ST3GAL4: variants seen among roughly 807,000 people sequenced by gnomAD.
ST3GAL4 encodes ST3 beta-galactoside alpha-2,3-sialyltransferase 4.
ST3GAL4 carries 24 observed loss-of-function variants against 42.6 expected under a neutral mutation model. The ratio of observed to expected loss-of-function variants is 0.56; its 90% CI spans 0.41 to 0.79. The LOEUF (loss-of-function observed/expected upper bound fraction) is 0.79, where lower values mean the gene tolerates loss of function less well. Among genes scored for constraint, ST3GAL4 ranks in the 30% least tolerant of loss-of-function variants. The pLI, the probability that ST3GAL4 is intolerant of heterozygous loss-of-function variation, is 0.00. For synonymous variants in ST3GAL4, 135 were observed against 163.2 expected, an observed-to-expected ratio of 0.83 and a Z score of 1.32; for missense variants, 311 against 430.8, an observed-to-expected ratio of 0.72 and a Z score of 2.46.
chr11:126,385,111 G>C (rs1240873403), intron 1 of ST3GAL4, among the ~76,000 whole-genome samples: 1 of 152,042 alleles, frequency 6.6e-6, no homozygotes, highest in Non-Finnish European at 1.5e-5. Flanking sequence ...CGAGGACTCT[G>C]AGGCTCTGAG....
chr11:126,408,650 C>A, intron 8 of ST3GAL4, 154 bp downstream of exon 8: 1 of 885,914 alleles, frequency 1.1e-6, no homozygotes, highest in Admixed American at 2.7e-5. Flanking sequence ...CTTAGGCTGC[C>A]CTCCAAGGGT....
intron 1 of ST3GAL4, among the ~76,000 whole-genome samples, chr11:126,401,135 G>T (rs1953972541): frequency 6.6e-6 from 1 of 152,112 alleles, no homozygotes; most frequent in Admixed American, 6.5e-5. Context: ...GTGTGGAAGA[G>T]AAATTAGTGC....
At chr11:126,405,921 T>C (rs1298053748) in intron 1 of ST3GAL4, 175 bp from the exon 2 acceptor site, 10 of 743,062 alleles carry the variant, frequency 1.3e-5, no homozygotes, top group Non-Finnish European at 2.2e-5. Flanking sequence ...ATGCCGCCCT[T>C]GGAGGAGTTA....
rs1285306412 is a variant in ST3GAL4 at position 126,359,045 on chromosome 11, A to C, written c.-61+3203A>C. ...ACCTGCAGCTCATTCAAGCCTGTGCATGGGGGTTGGGGTCCTCAGGATCTT... is the reference window on the plus strand; with the variant it reads ...ACCTGCAGCTCATTCAAGCCTGTGCCTGGGGGTTGGGGTCCTCAGGATCTT... On this transcript the variant is annotated intron_variant, in intron 1 of 10. Transcript: ENST00000444328. The surrounding 1 kb of genome is among the most constrained non-coding windows in gnomAD (Gnocchi z 4.8). 6.6e-6 allele frequency among the ~76,000 whole-genome samples: 1 copy of C among 152,128 alleles called. No homozygotes were observed.
At chr11:126,413,095 ATTTG>A (rs1222622099) in intron 9 of ST3GAL4, among the ~76,000 whole-genome samples, 1 of 151,892 alleles carries the variant, frequency 6.6e-6, no homozygotes, top group Non-Finnish European at 1.5e-5. Context: ...ACTTATTTAT[ATTTG>A]TTTATTTTTA....
chr11:126,380,497 CT>C (rs1952955384), intron 1 of ST3GAL4, among the ~76,000 whole-genome samples: 1 of 152,170 alleles, frequency 6.6e-6, no homozygotes, highest in South Asian at 2.1e-4. Flanking sequence ...ATGTGTTCCC[CT>C]AGGGGCTGAT....
chr11:126,381,279 CAG>C (rs1952991592), intron 1 of ST3GAL4, among the ~76,000 whole-genome samples: 1 of 152,216 alleles, frequency 6.6e-6, no homozygotes, highest in South Asian at 2.1e-4. Context: ...CCTCCCAAAA[CAG>C]AGGTGTGTAG....
rs1338172181 is a variant in ST3GAL4 at position 126,398,821 on chromosome 11, A to G, written c.-60-7275A>G. Among the ~76,000 whole-genome samples the G allele has an allele frequency of 6.6e-6, 1 of 152,196 alleles. No homozygotes were observed. The highest frequency in any genetic ancestry group is 1.5e-5 in the Non-Finnish European group (1 of 68,040). On this transcript the variant is annotated intron_variant, in intron 1 of 10. Transcript: ENST00000444328. The surrounding 1 kb of genome is among the most constrained non-coding windows in gnomAD (Gnocchi z 4.7). ...CACCACTTGCACCTTCTAGAATGGT[A>G]GGTCAAGCTGCACCTGGGCCCATTT... is the stretch of plus-strand genomic sequence containing the variant.
chr11:126,360,702 G>A (rs575166009), intron 1 of ST3GAL4, among the ~76,000 whole-genome samples: 2 of 152,312 alleles, frequency 1.3e-5, no homozygotes, highest in South Asian at 2.1e-4. Context: ...GATTACAGGC[G>A]TGAGCCACCG....
In ST3GAL4 at chr11:126,393,704, G is replaced by A. The variant is rs1296388540; in HGVS notation, c.-60-12392G>A. On this transcript the variant is annotated intron_variant, in intron 1 of 10. Transcript: ENST00000444328. The surrounding 1 kb of genome is among the most constrained non-coding windows in gnomAD (Gnocchi z 5.9). ...ACCGTCTTCAGGTCATAGGAAGTGT[G>A]AGCTAGCAGGAATCCTGGAGATTTT... is the stretch of plus-strand genomic sequence containing the variant. Among the ~76,000 whole-genome samples, 1 of 152,182 alleles carries A rather than the reference G, an allele frequency of 6.6e-6. No individual in the cohort carries two copies. Among genetic ancestry groups the A allele is most frequent in the Non-Finnish European group, 1.5e-5 (1 of 68,026 alleles).
At chr11:126,358,416 G>C (rs1272878679) in intron 1 of ST3GAL4, 1 of 442,642 alleles carries the variant, frequency 2.3e-6, no homozygotes. Flanking sequence ...CCTTCCCAGA[G>C]GCTTCTGTAT....
rs1160642568 is a variant in ST3GAL4 at position 126,373,307 on chromosome 11, G to T, written c.-61+17465G>T. ...TTTGCCTTTAACTTCAGATCCTTGG[G>T]GTGGGTGCATTGCTTCTCCTGGGAT... On this transcript the variant is annotated intron_variant, in intron 1 of 10. Transcript: ENST00000444328. This position sits in a 1 kb window ranked among gnomAD's most constrained non-coding sequence, Gnocchi z 5.5. 3.3e-5 allele frequency among the ~76,000 whole-genome samples: 5 copies of T among 152,160 alleles called. No homozygotes were observed. Among genetic ancestry groups the T allele is most frequent in the Non-Finnish European group, 7.4e-5 (5 of 68,018 alleles).
In ST3GAL4 at chr11:126,391,819, C is replaced by T. The variant is rs1319747949; in HGVS notation, c.-60-14277C>T. Among the ~76,000 whole-genome samples the T allele has an allele frequency of 1.3e-5, 2 of 152,072 alleles. No individual in the cohort carries two copies. Among genetic ancestry groups the T allele is most frequent in the Non-Finnish European group, 2.9e-5 (2 of 68,034 alleles). Reference sequence around the variant, plus strand: ...TGTGTCTGGGGAGGGCAGAACCCAGCGTCACTGACACCCTCCAGATACAGA... The same window carrying T: ...TGTGTCTGGGGAGGGCAGAACCCAGTGTCACTGACACCCTCCAGATACAGA... On this transcript the variant is annotated intron_variant, in intron 1 of 10. Transcript: ENST00000444328. This position sits in a 1 kb window ranked among gnomAD's most constrained non-coding sequence, Gnocchi z 5.5.
intron 1 of ST3GAL4, among the ~76,000 whole-genome samples, chr11:126,360,608 G>C (rs1952212863): frequency 6.6e-6 from 1 of 152,162 alleles, no homozygotes; most frequent in African/African-American, 2.4e-5. Context: ...ACTTTTAGTA[G>C]AGACAGGGTT....
intron 1 of ST3GAL4, among the ~76,000 whole-genome samples, chr11:126,403,964 C>T (rs1954119906): frequency 6.6e-6 from 1 of 152,224 alleles, no homozygotes; most frequent in Non-Finnish European, 1.5e-5. Context: ...ACTTTAGAAT[C>T]ACCCAGCGGG....
intron 10 of ST3GAL4, 45 bp downstream of exon 10, chr11:126,413,693 G>A (rs1399105046): frequency 1.2e-6 from 2 of 1,607,818 alleles, no homozygotes; most frequent in Non-Finnish European, 8.5e-7. Flanking sequence ...GCGTGGACGG[G>A]CAGACAGTCA....
chr11:126,375,055 C>A (rs141573946), intron 1 of ST3GAL4: 7,832 of 152,378 alleles, frequency 0.051, 294 homozygotes, highest in Non-Finnish European at 0.081. Context: ...ACAGCCCAGG[C>A]CCGCGCTGAA....
Position 126,384,940 on chromosome 11 carries a change from G to GT in ST3GAL4, c.-60-21155dup. On this transcript the variant is annotated intron_variant, in intron 1 of 10. Transcript: ENST00000444328. The surrounding 1 kb of genome is among the most constrained non-coding windows in gnomAD (Gnocchi z 5.5). The stretch of plus-strand genomic sequence containing the variant: ...AGCTTGAATGGAGAGGGGCCGCCTT[G>GT]TGCCTGGGAAGGGAGGACCAGGTGT... 4.1e-6 allele frequency: 4 copies of GT among 984,584 alleles called. No homozygotes were observed. Among genetic ancestry groups the GT allele is most frequent in the Non-Finnish European group, 4.8e-6 (4 of 829,230 alleles). 61.0% of individuals were successfully genotyped at this position (984,584 alleles called of 1,614,324 possible).
At chr11:126,375,483 G>C (rs1405636988) in intron 1 of ST3GAL4, among the ~76,000 whole-genome samples, 1 of 152,124 alleles carries the variant, frequency 6.6e-6, no homozygotes, top group East Asian at 1.9e-4. Flanking sequence ...AGGATGTGGG[G>C]GTTCTGGCTG....
Sources: allele counts gnomAD v4.1 joint callset (sites outside exome capture counted in the v4.1 genomes callset), GRCh38; gene constraint gnomAD v4.1.1; non-coding constraint Gnocchi (gnomAD v3.1); transcripts MANE v1.5; gene names NCBI Gene and HGNC (gene_info 2026-07-23, HGNC 2026-07-21).